The following PDCD4 variants were observed in gnomAD, a reference collection of about 807,000 sequenced individuals.
The protein encoded by PDCD4 is programmed cell death 4.
Under a neutral mutation model 54.0 loss-of-function variants are expected in PDCD4, and 56 were observed. That is an observed-to-expected ratio of 1.04 (90% confidence interval 0.84 to 1.30). The LOEUF is 1.30. Among genes scored for constraint, PDCD4 ranks in the 50% most tolerant of loss-of-function variants. The probability of loss-of-function intolerance (pLI) is 0.00; values close to 1 mark genes in which losing one functional copy is unlikely to be tolerated. For missense variants in PDCD4, 584 were observed against 559.8 expected (o/e 1.04, Z -0.44); for synonymous variants, 186 against 194.8 (o/e 0.95, Z 0.37).
At chr10:110,887,464 A>G (rs559456599) in intron 5 of PDCD4, among the ~76,000 whole-genome samples, 3 of 152,326 alleles carry the variant, frequency 2.0e-5, no homozygotes, top group South Asian at 2.1e-4. Context: ...AAGCTTGACA[A>G]AGTGGATCAA....
chr10:110,876,536 T>C (rs774150730), intron 2 of PDCD4: 5 of 387,634 alleles, frequency 1.3e-5, no homozygotes, highest in African/African-American at 4.2e-5. Flanking sequence ...TTCTCTGTTA[T>C]ATAGTACAGA....
intron 5 of PDCD4, among the ~76,000 whole-genome samples, chr10:110,886,756 G>A (rs1383424318): frequency 3.3e-5 from 5 of 152,062 alleles, no homozygotes; most frequent in Non-Finnish European, 5.9e-5. Flanking sequence ...TAACTAAAGA[G>A]GCTATTATAA....
intron 8 of PDCD4, among the ~76,000 whole-genome samples, chr10:110,891,467 A>AT (rs199619598): frequency 0.082 from 11,520 of 140,764 alleles, 873 homozygotes; most frequent in African/African-American, 0.19. Flanking sequence ...TTCCCTATGG[A>AT]TTTTTTTTTT....
At chr10:110,882,925 C>A in intron 3 of PDCD4, 78 bp from the exon 4 acceptor site, 1 of 914,896 alleles carries the variant, frequency 1.1e-6, no homozygotes, top group Non-Finnish European at 1.7e-6. Context: ...TGTTGTTTAA[C>A]ATCGGAACAT....
chr10:110,876,013 C>T lies in PDCD4; in HGVS notation c.-15C>T, dbSNP rs747723339. 225 of 1,601,798 alleles carry T rather than the reference C, an allele frequency of 1.4e-4. No homozygotes were observed. The highest frequency in any genetic ancestry group is 1.8e-4 in the Non-Finnish European group (212 of 1,171,524). On this transcript the variant is annotated 5_prime_UTR_variant, in exon 2 of 12. Coordinates refer to ENST00000280154, the MANE Select transcript of PDCD4 (RefSeq NM_014456.5). ...AGGTAATTTGTTTAATCAGTGCAAGCGAAATTAAGGGAAAATGGATGTAGA... is the reference window on the plus strand; with the variant it reads ...AGGTAATTTGTTTAATCAGTGCAAGTGAAATTAAGGGAAAATGGATGTAGA...
intron 1 of PDCD4, among the ~76,000 whole-genome samples, chr10:110,875,140 A>T (rs1237246629): frequency 6.6e-6 from 1 of 152,098 alleles, no homozygotes; most frequent in Non-Finnish European, 1.5e-5. Context: ...AACTATTTTG[A>T]TATTTCTTTC....
chr10:110,896,549 C>G (rs1845835520), intron 11 of PDCD4, among the ~76,000 whole-genome samples: 1 of 152,040 alleles, frequency 6.6e-6, no homozygotes, highest in Non-Finnish European at 1.5e-5. Context: ...ATTGGATGTT[C>G]TCACTAGAAA....
At chr10:110,880,301 C>A (rs1437618619) in intron 2 of PDCD4, 1 of 152,140 alleles carries the variant, frequency 6.6e-6, no homozygotes, top group Non-Finnish European at 1.5e-5. Context: ...AGTATGTGAG[C>A]AATTAGTGTT....
intron 2 of PDCD4, among the ~76,000 whole-genome samples, chr10:110,878,086 T>C (rs979257161): frequency 1.2e-4 from 19 of 152,278 alleles, no homozygotes; most frequent in African/African-American, 4.3e-4. Context: ...TAGTACACAG[T>C]AGGAAACAAT....
Position 110,894,573 on chromosome 10 carries a change from A to G in PDCD4, c.1209+51A>G, listed in dbSNP as rs370468576. On this transcript the variant is annotated intron_variant, in intron 10 of 11. Transcript: ENST00000280154. Reference sequence around the variant, plus strand: ...ACTTGTAGGATTATGTCTTAAATATATGATTGAATACAGATTATGAATTGT... The same window carrying G: ...ACTTGTAGGATTATGTCTTAAATATGTGATTGAATACAGATTATGAATTGT... 364 of 808,016 alleles carry G rather than the reference A, an allele frequency of 4.5e-4. 1 individual carries two copies. Among genetic ancestry groups the G allele is most frequent in the Admixed American group, 1.1e-3 (54 of 49,946 alleles). The allele number at this position is 808,016 out of a possible 1,614,324, so 50.1% of individuals were successfully genotyped here.
Position 110,885,357 on chromosome 10 carries a change from TG to T in PDCD4, c.547del (p.Glu183LysfsTer6). The stretch of plus-strand genomic sequence containing the variant: ...AATATTTTGAGCATGGAGATACTAA[TG>T]AAGTTGCGGTAGGTTTAAAGTTGCA... ...QEYFEHGDTN[E>X]VAEMLRDLNL... On this transcript the variant is annotated frameshift_variant, in exon 5 of 12. Transcript: ENST00000280154. LOFTEE classifies it high-confidence loss of function. 1 of 1,518,070 alleles carries T rather than the reference TG, an allele frequency of 6.6e-7. No individual in the cohort carries two copies. Among genetic ancestry groups the T allele is most frequent in the Non-Finnish European group, 9.1e-7 (1 of 1,099,060 alleles). 94.0% of individuals were successfully genotyped at this position (1,518,070 alleles called of 1,614,324 possible).
intron 2 of PDCD4, among the ~76,000 whole-genome samples, chr10:110,879,327 G>T (rs1423901356): frequency 6.6e-6 from 1 of 152,108 alleles, no homozygotes; most frequent in Non-Finnish European, 1.5e-5. Context: ...TTCTGGTGAG[G>T]TAAGCAGGGG....
In PDCD4 at chr10:110,876,065, C is replaced by T. The variant is rs746965287; in HGVS notation, c.38C>T (p.Pro13Leu). Residue 13 changes from proline to leucine, a missense_variant, in exon 2 of 12, where the codon CCT becomes CTT. By Grantham distance (98) the Pro-to-Leu change is moderately conservative. Transcript: ENST00000280154. ...AATGAGCAGATACTGAATGTAAACC[C>T]TGCAGGTAAGTAAGGATATCCTTTT... ...VENEQILNVN[P>L]ADPDNLSDSL... 3.1e-6 allele frequency: 5 copies of T among 1,608,516 alleles called. No individual in the cohort carries two copies. The East Asian group carries it at 1.1e-4, about 36-fold the overall frequency.
intron 10 of PDCD4, among the ~76,000 whole-genome samples, chr10:110,895,075 A>G (rs574450485): frequency 6.6e-6 from 1 of 152,032 alleles, no homozygotes; most frequent in South Asian, 2.1e-4. Context: ...TTTTTTATTT[A>G]TATTTTTAAT....
intron 8 of PDCD4, among the ~76,000 whole-genome samples, chr10:110,891,360 T>A (rs1024317077): frequency 8.3e-6 from 1 of 121,062 alleles, no homozygotes; most frequent in Non-Finnish European, 1.6e-5. Flanking sequence ...TGAGCTGAGA[T>A]CACACCACTG....
rs5787876 is a variant in PDCD4 at position 110,898,158 on chromosome 10, GTTT to G, written c.*88_*90del. 2,857 of 382,728 alleles carry G rather than the reference GTTT, an allele frequency of 7.5e-3. No individual in the cohort carries two copies. Among genetic ancestry groups the G allele is most frequent in the South Asian group, 0.012 (124 of 10,698 alleles). 23.7% of individuals were successfully genotyped at this position (382,728 alleles called of 1,614,324 possible). On this transcript the variant is annotated 3_prime_UTR_variant, in exon 12 of 12. Transcript: ENST00000280154. ...TGAATTGTAAGAGTTGTTAGCACAAGTTTTTTTTTTTTTTTTTTTTAAGCACTT... is the reference window on the plus strand; with the variant it reads ...TGAATTGTAAGAGTTGTTAGCACAAGTTTTTTTTTTTTTTTTTAAGCACTT...
At chr10:110,886,572 CTT>C (rs1240528290) in intron 5 of PDCD4, among the ~76,000 whole-genome samples, 2 of 152,134 alleles carry the variant, frequency 1.3e-5, no homozygotes, top group Non-Finnish European at 2.9e-5. Context: ...TCTAAGAAAA[CTT>C]TCATTAAAGA....
At chr10:110,885,133 T>C (rs559731036) in intron 4 of PDCD4, 120 bp from the exon 5 acceptor site, 2 of 578,246 alleles carry the variant, frequency 3.5e-6, no homozygotes, top group African/African-American at 3.9e-5. Context: ...GTATGTAGCA[T>C]GTCTTTGTCT....
Position 110,890,803 on chromosome 10 carries a change from AT to A in PDCD4, c.990+140del, listed in dbSNP as rs530822425. Reference sequence around the variant, plus strand: ...ACAGCTGCAATTGGAAAATGAAATAATTTTTTTAATATGTGGCTTTATAACC... The same window carrying A: ...ACAGCTGCAATTGGAAAATGAAATAATTTTTTAATATGTGGCTTTATAACC... On this transcript the variant is annotated intron_variant, in intron 8 of 11. Transcript: ENST00000280154. 1.4e-4 allele frequency: 65 copies of A among 457,706 alleles called. 1 individual carries two copies. The South Asian group carries it at 4.0e-3, about 28-fold the overall frequency. The allele number at this position is 457,706 out of a possible 1,614,324, so 28.4% of individuals were successfully genotyped here. A position where few individuals can be genotyped will look rare whatever the true frequency, so the allele number is the denominator to read the frequency against.
Sources: gnomAD v4.1 joint callset for allele counts (sites outside exome capture counted in the v4.1 genomes callset) on GRCh38, gnomAD v4.1.1 for gene constraint, MANE v1.5 for transcripts, NCBI Gene and HGNC (gene_info 2026-07-23, HGNC 2026-07-21) for gene names.